UBTD2: variants seen among roughly 807,000 people sequenced by gnomAD.
The protein encoded by UBTD2 is ubiquitin domain containing 2.
UBTD2 carries 9 observed loss-of-function variants against 19.8 expected under a neutral mutation model. That is an observed-to-expected ratio of 0.46 (90% confidence interval 0.27 to 0.79). The LOEUF (loss-of-function observed/expected upper bound fraction) is 0.79. UBTD2 is among the 30% of genes least tolerant of loss of function. UBTD2 has a pLI of 0.14. For missense variants in UBTD2, 250 were observed against 300.4 expected, an observed-to-expected ratio of 0.83 and a Z score of 1.24; for synonymous variants, 98 against 103.9, an observed-to-expected ratio of 0.94 and a Z score of 0.35.
chr5:172,243,025 A>AT (rs1485155325), intron 1 of UBTD2, among the ~76,000 whole-genome samples: 2 of 151,814 alleles, frequency 1.3e-5, no homozygotes, highest in Non-Finnish European at 2.9e-5. Context: ...ACAGGGTCTC[A>AT]CTACGTTACC....
At chr5:172,218,098 A>G (rs1028354475) in intron 2 of UBTD2, among the ~76,000 whole-genome samples, 8 of 152,230 alleles carry the variant, frequency 5.3e-5, no homozygotes, top group African/African-American at 1.9e-4. Flanking sequence ...CTGAAACATA[A>G]AACACACCAT....
intron 1 of UBTD2, among the ~76,000 whole-genome samples, chr5:172,281,383 C>T (rs1334733391): frequency 6.6e-6 from 1 of 152,108 alleles, no homozygotes; most frequent in Non-Finnish European, 1.5e-5. Context: ...CTCGTGGTCC[C>T]AGTTACTTGG....
chr5:172,248,621 G>A (rs1316075030), intron 1 of UBTD2, among the ~76,000 whole-genome samples: 1 of 151,494 alleles, frequency 6.6e-6, no homozygotes, highest in East Asian at 1.9e-4. Context: ...AATTAGCCAG[G>A]CCTGATAACG....
intron 1 of UBTD2, among the ~76,000 whole-genome samples, chr5:172,270,455 A>C (rs1755464248): frequency 6.8e-6 from 1 of 146,222 alleles, no homozygotes; most frequent in Non-Finnish European, 1.5e-5. Context: ...TCCCGGGTTC[A>C]AGCAATTCCC....
At chr5:172,255,798 A>C (rs1029035887) in intron 1 of UBTD2, among the ~76,000 whole-genome samples, 1 of 152,000 alleles carries the variant, frequency 6.6e-6, no homozygotes, top group East Asian at 1.9e-4. Context: ...TTTAAGATAG[A>C]TGGCAAGGGG....
chr5:172,254,260 C>T (rs1429002313), intron 1 of UBTD2, among the ~76,000 whole-genome samples: 7 of 152,046 alleles, frequency 4.6e-5, no homozygotes, highest in South Asian at 2.1e-4. Flanking sequence ...CCACCACGCC[C>T]GGTTAATTTT....
At chr5:172,223,990 A>C (rs1771709179) in intron 2 of UBTD2, among the ~76,000 whole-genome samples, 1 of 152,214 alleles carries the variant, frequency 6.6e-6, no homozygotes, top group Non-Finnish European at 1.5e-5. Context: ...ACGACAGCTT[A>C]AAGAAGGAAA....
rs1425591080 is a variant in UBTD2, at chr5:172,283,147, C to T, written c.70+449G>A. Among the ~76,000 whole-genome samples the T allele has an allele frequency of 6.6e-6, 1 of 152,198 alleles. No individual in the cohort carries two copies. Among genetic ancestry groups the T allele is most frequent in the Non-Finnish European group, 1.5e-5 (1 of 68,046 alleles). ...CATCTGAAACTCAGGAAAGCTGAGACCAGCCAACTCCACAGAACAAGGAAG... is the reference window on the plus strand; with the variant it reads ...CATCTGAAACTCAGGAAAGCTGAGATCAGCCAACTCCACAGAACAAGGAAG... On this transcript the variant is annotated intron_variant, in intron 1 of 2. Transcript: ENST00000393792. The surrounding 1 kb of genome is among the most constrained non-coding windows in gnomAD (Gnocchi z 4.3).
At chr5:172,235,922 A>C (rs576929159) in intron 1 of UBTD2, among the ~76,000 whole-genome samples, 59 of 152,332 alleles carry the variant, frequency 3.9e-4, no homozygotes, top group Non-Finnish European at 6.3e-4. Flanking sequence ...GTGTGTGTCA[A>C]AATTCAATGT....
intron 2 of UBTD2, among the ~76,000 whole-genome samples, chr5:172,232,658 C>T (rs777917258): frequency 1.1e-4 from 17 of 151,740 alleles, no homozygotes; most frequent in Non-Finnish European, 1.9e-4. Context: ...CCCAGGAGTT[C>T]GAGATCATCT....
intron 2 of UBTD2, among the ~76,000 whole-genome samples, chr5:172,215,630 T>C (rs1771526474): frequency 6.6e-6 from 1 of 152,202 alleles, no homozygotes; most frequent in Non-Finnish European, 1.5e-5. Flanking sequence ...GCAGAAGTGT[T>C]AGAATGATCA....
intron 1 of UBTD2, among the ~76,000 whole-genome samples, chr5:172,245,063 T>C (rs1754849126): frequency 6.6e-6 from 1 of 152,174 alleles, no homozygotes; most frequent in South Asian, 2.1e-4. Context: ...CTAGCAATAG[T>C]AGCGGTAGAG....
intron 1 of UBTD2, among the ~76,000 whole-genome samples, chr5:172,279,347 A>T (rs760694161): frequency 3.9e-5 from 6 of 152,236 alleles, no homozygotes; most frequent in Non-Finnish European, 5.9e-5. Flanking sequence ...GGTTGTTAGG[A>T]CCTGTTACAT....
intron 2 of UBTD2, among the ~76,000 whole-genome samples, chr5:172,226,630 G>C (rs1439801704): frequency 6.6e-6 from 1 of 152,152 alleles, no homozygotes; most frequent in Non-Finnish European, 1.5e-5. Context: ...ATTTCATGGT[G>C]ATTTCCACAA....
At chr5:172,230,395 G>A (rs1471543460) in intron 2 of UBTD2, among the ~76,000 whole-genome samples, 5 of 152,090 alleles carry the variant, frequency 3.3e-5, no homozygotes, top group African/African-American at 1.2e-4. Context: ...CAGGGAACAG[G>A]GAATTTACTT....
At chr5:172,273,965 T>C (rs1358250046) in intron 1 of UBTD2, among the ~76,000 whole-genome samples, 2 of 152,010 alleles carry the variant, frequency 1.3e-5, no homozygotes, top group African/African-American at 2.4e-5. Context: ...TTGTATCATG[T>C]AAATGTCCTA....
At chr5:172,262,076 C>A (rs1561863898) in intron 1 of UBTD2, among the ~76,000 whole-genome samples, 1 of 152,158 alleles carries the variant, frequency 6.6e-6, no homozygotes, top group Non-Finnish European at 1.5e-5. Context: ...AGAACTGAGA[C>A]CCTGTGCCTC....
intron 1 of UBTD2, chr5:172,242,528 C>A: frequency 7.7e-6 from 5 of 646,292 alleles, no homozygotes; most frequent in Non-Finnish European, 9.6e-6. Flanking sequence ...TTTGTATTAA[C>A]CTATAAATAG....
chr5:172,265,506 A>AT (rs1755359987), intron 1 of UBTD2, among the ~76,000 whole-genome samples: 1 of 151,880 alleles, frequency 6.6e-6, no homozygotes. Flanking sequence ...AATTTTTTGT[A>AT]TTTTTAGTAG....
Sources: allele counts gnomAD v4.1 joint callset (sites outside exome capture counted in the v4.1 genomes callset), GRCh38; gene constraint gnomAD v4.1.1; non-coding constraint Gnocchi (gnomAD v3.1); transcripts MANE v1.5; gene names NCBI Gene and HGNC (gene_info 2026-07-23, HGNC 2026-07-21).